Variants in MAMLD1 observed in about 807,000 individuals in gnomAD.
MAMLD1 encodes the protein mastermind like domain containing 1, also known as mastermind-like domain-containing protein 1.
Under a neutral mutation model 45.0 loss-of-function variants are expected in MAMLD1, and 14 were observed. The observed-to-expected ratio is 0.31, with a 90% confidence interval of 0.21 to 0.49. MAMLD1 has a LOEUF of 0.49. Among genes scored for constraint, MAMLD1 ranks in the 20% least tolerant of loss-of-function variants. The probability of loss-of-function intolerance (pLI) is 0.99; values close to 1 mark genes in which losing one functional copy is unlikely to be tolerated. For missense variants in MAMLD1, 543 were observed against 603.6 expected, an observed-to-expected ratio of 0.90 and a Z score of 1.05; for synonymous variants, 254 against 247.8, an observed-to-expected ratio of 1.02 and a Z score of -0.24.
intron 1 of MAMLD1, among the ~76,000 whole-genome samples, chrX:150,432,323 G>A (rs1324843620): frequency 7.2e-5 from 8 of 111,796 alleles, no homozygotes; most frequent in Admixed American, 6.6e-4. Flanking sequence ...TTAGACCTTT[G>A]TTGGATGCAT....
At chrX:150,372,315 T>C (rs1216508190) in intron 1 of MAMLD1, among the ~76,000 whole-genome samples, 1 of 111,863 alleles carries the variant, frequency 8.9e-6, no homozygotes, top group Non-Finnish European at 1.9e-5. Flanking sequence ...GCCAGCCCTG[T>C]GGAGGGCTTG....
chrX:150,398,290 G>C (rs1028609128), intron 1 of MAMLD1, among the ~76,000 whole-genome samples: 16 of 84,327 alleles, frequency 1.9e-4, no homozygotes, highest in African/African-American at 6.9e-4. Context: ...AGAAGAAGAA[G>C]AAGAAGAAGA....
intron 5 of MAMLD1, among the ~76,000 whole-genome samples, chrX:150,494,947 T>A (rs2283744): frequency 0.31 from 34,559 of 109,750 alleles, 3,989 homozygotes; most frequent in East Asian, 0.5. Flanking sequence ...GGCTCACACC[T>A]GTAATCCCAG....
rs2035488778 is a variant in MAMLD1, at chrX:150,446,396, A to G, written c.96+784A>G. ...CCGTGGGTCGGCTTCCTTCCTTTTC[A>G]TAGAACTGGAAGCCCTGGGCTCTGA... On this transcript the variant is annotated intron_variant, in intron 2 of 7. Transcript: ENST00000370401. 3.6e-5 allele frequency among the ~76,000 whole-genome samples: 4 copies of G among 111,541 alleles called. No individual in the cohort carries two copies. The South Asian group carries it at 1.5e-3, about 42-fold the overall frequency.
At chrX:150,412,011 C>A (rs1232498030) in intron 1 of MAMLD1, among the ~76,000 whole-genome samples, 3 of 111,625 alleles carry the variant, frequency 2.7e-5, no homozygotes, top group Admixed American at 9.5e-5. Flanking sequence ...TTAAAGTGCC[C>A]CCACAAAATG....
chrX:150,489,761 C>T (rs2148335698), intron 5 of MAMLD1, among the ~76,000 whole-genome samples: 1 of 109,493 alleles, frequency 9.1e-6, no homozygotes, highest in South Asian at 4.1e-4. Flanking sequence ...TTAGGTCTGC[C>T]AAAAGTCAGG....
chrX:150,415,568 T>A (rs1262357263), intron 1 of MAMLD1, among the ~76,000 whole-genome samples: 1 of 112,300 alleles, frequency 8.9e-6, no homozygotes, highest in African/African-American at 3.2e-5. Flanking sequence ...GGCAGCTTGA[T>A]TAGATGAATA....
At chrX:150,474,695 T>TGGGAAAG (rs782382415) in intron 5 of MAMLD1, among the ~76,000 whole-genome samples, 143 of 111,897 alleles carry the variant, frequency 1.3e-3, no homozygotes, top group African/African-American at 4.3e-3. Flanking sequence ...CCCAGCCTGA[T>TGGGAAAG]GGGAAAGGGG....
chrX:150,462,637 C>A, intron 2 of MAMLD1, 135 bp from the exon 3 acceptor site: 1 of 537,972 alleles, frequency 1.9e-6, no homozygotes, highest in Non-Finnish European at 3.4e-6. Flanking sequence ...ATTTAAATGT[C>A]ATAGATATAT....
rs2036420106 is a variant in MAMLD1, at chrX:150,471,352, C to A, written c.1779C>A (p.Thr593=). ...CTGCCTCCTCCACGGCCACTGCCAC[C>A]TTGCAGCTGCAGCAGCAGCAGCAGC... ...SATASSTATA[T]LQLQQQQQQQ... Residue 593 remains threonine, a synonymous_variant, in exon 4 of 8, where the codon ACC becomes ACA. Coordinates refer to ENST00000370401, the MANE Select transcript of MAMLD1 (RefSeq NM_005491.5). 2 of 1,207,480 alleles carry A rather than the reference C, an allele frequency of 1.7e-6. No homozygotes were observed. Among genetic ancestry groups the A allele is most frequent in the Non-Finnish European group, 2.2e-6 (2 of 893,541 alleles).
intron 1 of MAMLD1, among the ~76,000 whole-genome samples, chrX:150,370,865 G>A (rs374394909): frequency 2.1e-4 from 24 of 112,244 alleles, no homozygotes; most frequent in African/African-American, 7.4e-4. Context: ...CTCCCTGGCT[G>A]TAGGCACTGA....
chrX:150,423,606 G>T (rs1317627327), intron 1 of MAMLD1, among the ~76,000 whole-genome samples: 1 of 92,892 alleles, frequency 1.1e-5, no homozygotes, highest in East Asian at 3.0e-4. Flanking sequence ...CTTTCCAGAA[G>T]AGAGAGAAAG....
chrX:150,399,805 G>C (rs1557402371), intron 1 of MAMLD1, among the ~76,000 whole-genome samples: 1 of 112,083 alleles, frequency 8.9e-6, no homozygotes, highest in East Asian at 2.8e-4. Context: ...AATTGCTGTT[G>C]TTTTAAGCCC....
At chrX:150,376,464 C>T (rs2032320263) in intron 1 of MAMLD1, among the ~76,000 whole-genome samples, 1 of 111,067 alleles carries the variant, frequency 9.0e-6, no homozygotes, top group African/African-American at 3.3e-5. Flanking sequence ...GCTTCCCTGG[C>T]AAGCTGCTAG....
chrX:150,476,407 A>G (rs1260176962), intron 5 of MAMLD1, among the ~76,000 whole-genome samples: 1 of 112,433 alleles, frequency 8.9e-6, no homozygotes, highest in Non-Finnish European at 1.9e-5. Context: ...TGCAGAACAG[A>G]TCTTACATTT....
At position 150,385,939 on chromosome X, in the gene MAMLD1, T is replaced by C. The variant is rs2032904664; in HGVS notation, c.-64+22409T>C. Among the ~76,000 whole-genome samples, 5 of 111,736 alleles carry C rather than the reference T, an allele frequency of 4.5e-5. No homozygotes were observed. In the South Asian group the frequency reaches 1.9e-3, roughly 42 times the overall value. On this transcript the variant is annotated intron_variant, in intron 1 of 7. Coordinates refer to ENST00000370401, the MANE Select transcript of MAMLD1 (RefSeq NM_005491.5). Reference sequence around the variant, plus strand: ...CTTCTGTTCAATTGTCTAATGTCAATTTGTTTCCCAGCACTGCTTCTTTTA... The same window carrying C: ...CTTCTGTTCAATTGTCTAATGTCAACTTGTTTCCCAGCACTGCTTCTTTTA...
intron 1 of MAMLD1, among the ~76,000 whole-genome samples, chrX:150,386,244 C>G (rs1452936164): frequency 1.8e-5 from 2 of 111,855 alleles, no homozygotes; most frequent in Non-Finnish European, 3.8e-5. Flanking sequence ...ATGGCTTTCA[C>G]AGGTTTTTCT....
At chrX:150,417,762 G>T (rs1176808735) in intron 1 of MAMLD1, among the ~76,000 whole-genome samples, 1 of 109,817 alleles carries the variant, frequency 9.1e-6, no homozygotes, top group East Asian at 2.9e-4. Context: ...GATGGCCAGT[G>T]ATGATGAGCA....
At chrX:150,433,673 G>A (rs1425100655) in intron 1 of MAMLD1, among the ~76,000 whole-genome samples, 1 of 111,508 alleles carries the variant, frequency 9.0e-6, no homozygotes, top group African/African-American at 3.3e-5. Context: ...GATCATGTGG[G>A]TTTTGTTTTT....
Sources: gnomAD v4.1 joint callset for allele counts (sites outside exome capture counted in the v4.1 genomes callset) on GRCh38, gnomAD v4.1.1 for gene constraint, MANE v1.5 for transcripts, NCBI Gene and HGNC (gene_info 2026-07-23, HGNC 2026-07-21) for gene names.